The following DPH6 variants were observed in gnomAD, a reference collection of about 807,000 sequenced individuals.
DPH6 encodes diphthine--ammonia ligase.
Under a neutral mutation model 38.2 loss-of-function variants are expected in DPH6, and 33 were observed. The ratio of observed to expected loss-of-function variants is 0.86; its 90% CI spans 0.65 to 1.15. The LOEUF is 1.15. DPH6 is among the 50% of genes most tolerant of loss of function. DPH6 has a pLI of 0.00. For missense variants in DPH6, 325 were observed against 320.0 expected (o/e 1.02, Z -0.12); for synonymous variants, 108 against 103.0 (o/e 1.05, Z -0.30).
At chr15:35,411,107 C>T (rs2053360725) in intron 5 of DPH6, among the ~76,000 whole-genome samples, 1 of 151,664 alleles carries the variant, frequency 6.6e-6, no homozygotes, top group Non-Finnish European at 1.5e-5. Context: ...TAAGTTTCCA[C>T]TTATTTCAAT....
intron 3 of DPH6, among the ~76,000 whole-genome samples, chr15:35,325,091 G>A (rs753571189): frequency 2.0e-5 from 3 of 152,048 alleles, no homozygotes; most frequent in Non-Finnish European, 2.9e-5. Flanking sequence ...GGATTTGAAG[G>A]TTCCTTAGCA....
intron 3 of DPH6, among the ~76,000 whole-genome samples, chr15:35,250,446 T>C (rs114103784): frequency 0.028 from 4,215 of 152,236 alleles, 189 homozygotes; most frequent in African/African-American, 0.097. Context: ...GGGTTTATTT[T>C]TCCATTAATA....
the DPH6 span, among the ~76,000 whole-genome samples, chr15:35,192,483 C>A: frequency 1.2e-4 from 18 of 152,182 alleles, no homozygotes; most frequent in Admixed American, 1.2e-3. Flanking sequence ...TTTAAAGTTA[C>A]ATTAATGTTT....
At chr15:35,376,247 G>T (rs1017660653) in intron 7 of DPH6, among the ~76,000 whole-genome samples, 1 of 152,094 alleles carries the variant, frequency 6.6e-6, no homozygotes, top group Non-Finnish European at 1.5e-5. Context: ...ATATTCATTA[G>T]ATATTTGTTG....
At chr15:35,339,797 C>T (rs1393106867) in intron 3 of DPH6, among the ~76,000 whole-genome samples, 1 of 152,162 alleles carries the variant, frequency 6.6e-6, no homozygotes, top group African/African-American at 2.4e-5. Flanking sequence ...GGGTGTTTTA[C>T]TTCCGATTAT....
intron 1 of DPH6, among the ~76,000 whole-genome samples, chr15:35,544,924 C>G (rs1399980371): frequency 6.6e-6 from 1 of 152,146 alleles, no homozygotes; most frequent in African/African-American, 2.4e-5. Flanking sequence ...TAAAATAAGA[C>G]ACAATGGTTA....
Position 35,496,567 on chromosome 15 carries a change from A to AAAAAATATATATATATATATAT in DPH6, c.312+41706_312+41707insATATATATATATATATATTTTT. 7.7e-4 allele frequency among the ~76,000 whole-genome samples: 24 copies of AAAAAATATATATATATATATAT among 31,004 alleles called. 1 individual carries two copies. The highest frequency in any genetic ancestry group is 1.1e-3 in the Non-Finnish European group (20 of 19,028). The allele number at this position is 31,004 out of a possible 152,430, so 20.3% of individuals were successfully genotyped here. A position where few individuals can be genotyped will look rare whatever the true frequency, so the allele number is the denominator to read the frequency against. ...GAAAGTTCCATCTCAAAAAAAAAAA[A>AAAAAATATATATATATATATAT]ATATATATATATATATATATATATC... On this transcript the variant is annotated intron_variant, in intron 3 of 8. Coordinates refer to ENST00000256538, the MANE Select transcript of DPH6 (RefSeq NM_080650.4).
At chr15:35,382,718 T>C (rs1485738964) in intron 6 of DPH6, among the ~76,000 whole-genome samples, 1 of 152,138 alleles carries the variant, frequency 6.6e-6, no homozygotes, top group Non-Finnish European at 1.5e-5. Flanking sequence ...ATGCTTGCAG[T>C]TGTTATTAGG....
At chr15:35,450,347 A>C (rs2053915962) in intron 5 of DPH6, among the ~76,000 whole-genome samples, 2 of 151,932 alleles carry the variant, frequency 1.3e-5, no homozygotes, top group African/African-American at 4.8e-5. Context: ...AAACAAAAAT[A>C]ACCCTTGTAT....
intron 3 of DPH6, among the ~76,000 whole-genome samples, chr15:35,231,378 G>A (rs767240645): frequency 2.6e-5 from 4 of 152,190 alleles, no homozygotes; most frequent in Admixed American, 6.5e-5. Context: ...TGCTGCTTCC[G>A]GGAAATGGAA....
the DPH6 span, among the ~76,000 whole-genome samples, chr15:35,161,695 GCTCT>G: frequency 6.7e-5 from 10 of 150,018 alleles, no homozygotes; most frequent in East Asian, 5.9e-4. Flanking sequence ...TAGTGTGCTC[GCTCT>G]CTCTCTCTCT....
chr15:35,391,863 C>T (rs556438872), intron 6 of DPH6, among the ~76,000 whole-genome samples: 62 of 152,292 alleles, frequency 4.1e-4, no homozygotes, highest in South Asian at 2.3e-3. Flanking sequence ...ACCCGCTGTC[C>T]GGCACTCCTC....
rs1555391169 is a variant in DPH6, at chr15:35,285,872, G to GTTTTTTTTTTTTTGTTTTTTTTT, written n.201-65291_201-65290insAAAAAAAAACAAAAAAAAAAAAA. On this transcript the variant is annotated intron_variant and non_coding_transcript_variant, in intron 3 of 3. Transcript: ENST00000560386. ...GACTCAATTATCATTTTATCTTTGAGTTTTTTTTTTTTTTTTTACCTGAGA... is the reference window on the plus strand; with the variant it reads ...GACTCAATTATCATTTTATCTTTGAGTTTTTTTTTTTTTGTTTTTTTTTTTTTTTTTTTTTTTTTTACCTGAGA... Among the ~76,000 whole-genome samples the GTTTTTTTTTTTTTGTTTTTTTTT allele has an allele frequency of 1.5e-4, 8 of 52,812 alleles. No individual in the cohort carries two copies. The East Asian group carries it at 3.0e-3, about 20-fold the overall frequency. 34.6% of individuals were successfully genotyped at this position (52,812 alleles called of 152,430 possible).
intron 3 of DPH6, chr15:35,282,996 A>ATCT (rs1472872430): frequency 8.6e-6 from 2 of 231,482 alleles, no homozygotes; most frequent in East Asian, 1.2e-4. Context: ...GAATATCATC[A>ATCT]TCATCTTCTT....
At chr15:35,432,063 T>C (rs1033725022) in intron 5 of DPH6, among the ~76,000 whole-genome samples, 1 of 152,146 alleles carries the variant, frequency 6.6e-6, no homozygotes. Flanking sequence ...TAAATATGTA[T>C]TCAAAGGCTC....
At chr15:35,296,100 C>A (rs113818360) in intron 3 of DPH6, among the ~76,000 whole-genome samples, 3,989 of 151,870 alleles carry the variant, frequency 0.026, 79 homozygotes, top group African/African-American at 0.059. Flanking sequence ...CTACCATGTC[C>A]GGCTAATTTT....
In DPH6 at chr15:35,241,140, G is replaced by A. The variant is rs149474051; in HGVS notation, n.201-20558C>T. On this transcript the variant is annotated intron_variant and non_coding_transcript_variant, in intron 3 of 3. Coordinates refer to the DPH6 transcript ENST00000560386. ...TCTGTGCGGGACCCCACTGGAAATC[G>A]CACTGTCCAACTCACCTGGCAGCCA... 1.7e-3 allele frequency among the ~76,000 whole-genome samples: 250 copies of A among 142,904 alleles called. 28 individuals carry two copies. Among genetic ancestry groups the A allele is most frequent in the African/African-American group, 5.9e-3 (233 of 39,484 alleles). The allele number at this position is 142,904 out of a possible 152,430, so 93.8% of individuals were successfully genotyped here. A position where few individuals can be genotyped will look rare whatever the true frequency, so the allele number is the denominator to read the frequency against.
At chr15:35,421,749 T>G (rs1446823943) in intron 5 of DPH6, among the ~76,000 whole-genome samples, 2 of 152,090 alleles carry the variant, frequency 1.3e-5, no homozygotes, top group African/African-American at 4.8e-5. Flanking sequence ...CTGTTTCATT[T>G]TAAGGAGTTT....
chr15:35,454,963 T>A, intron 3 of DPH6, 143 bp from the exon 4 acceptor site: 1 of 555,928 alleles, frequency 1.8e-6, no homozygotes, highest in Non-Finnish European at 3.1e-6. Flanking sequence ...TAATCGACAT[T>A]CAGAAAAAAT....
Sources: allele counts gnomAD v4.1 joint callset (sites outside exome capture counted in the v4.1 genomes callset), GRCh38; gene constraint gnomAD v4.1.1; transcripts MANE v1.5; gene names NCBI Gene and HGNC (gene_info 2026-07-23, HGNC 2026-07-21).